The following PEAK1 variants were observed in gnomAD, a reference collection of about 807,000 sequenced individuals.
PEAK1 encodes pseudopodium enriched atypical kinase 1, also known as inactive tyrosine-protein kinase PEAK1.
A neutral mutation model predicts 124.7 loss-of-function variants in PEAK1; 54 were observed. That is an observed-to-expected ratio of 0.43 (90% CI 0.35 to 0.54). The LOEUF (loss-of-function observed/expected upper bound fraction) is 0.54. Ranked by LOEUF, PEAK1 falls within the 20% of genes least tolerant of loss-of-function variation. PEAK1 has a pLI of 0.01. For synonymous variants in PEAK1, 719 were observed against 760.0 expected, an observed-to-expected ratio of 0.95 and a Z score of 0.89; for missense variants, 2,046 against 2,134.5, an observed-to-expected ratio of 0.96 and a Z score of 0.82.
At chr15:77,417,657 G>C in intron 1 of PEAK1, 1 of 985,348 alleles carries the variant, frequency 1.0e-6, no homozygotes, top group Non-Finnish European at 1.2e-6. Context: ...CCAACAAAAG[G>C]GTATGATTTG....
intron 5 of PEAK1, among the ~76,000 whole-genome samples, chr15:77,269,933 G>C (rs968827245): frequency 2.6e-5 from 4 of 152,158 alleles, no homozygotes; most frequent in African/African-American, 9.7e-5. Flanking sequence ...TATGTACCCA[G>C]TAGTCATTCA....
intron 6 of PEAK1, among the ~76,000 whole-genome samples, chr15:77,213,433 T>C (rs1176215576): frequency 6.6e-6 from 1 of 152,198 alleles, no homozygotes; most frequent in Non-Finnish European, 1.5e-5. Context: ...GGCTCATGAC[T>C]GTAATCCCAG....
intron 2 of PEAK1, among the ~76,000 whole-genome samples, chr15:77,289,881 G>A (rs1336692732): frequency 6.6e-6 from 1 of 152,168 alleles, no homozygotes; most frequent in African/African-American, 2.4e-5. Context: ...TAGTCATAGT[G>A]CAGAAGAATA....
chr15:77,175,876 G>C (rs2056830580), intron 7 of PEAK1, among the ~76,000 whole-genome samples: 1 of 152,130 alleles, frequency 6.6e-6, no homozygotes, highest in African/African-American at 2.4e-5. Context: ...ACGATAGACT[G>C]GATTAAGAAA....
intron 5 of PEAK1, chr15:77,278,394 G>A (rs2152963061): frequency 9.7e-6 from 3 of 310,554 alleles, no homozygotes; most frequent in Middle Eastern, 6.6e-4. Flanking sequence ...TAAAGAAGAA[G>A]CAGGGAGAAC....
At chr15:77,226,494 C>T (rs2059683266) in intron 6 of PEAK1, among the ~76,000 whole-genome samples, 1 of 151,920 alleles carries the variant, frequency 6.6e-6, no homozygotes, top group South Asian at 2.1e-4. Flanking sequence ...GTAACAGGGT[C>T]CAGAAATAAT....
chr15:77,261,496 T>A (rs1349199724), intron 5 of PEAK1, among the ~76,000 whole-genome samples: 2 of 152,090 alleles, frequency 1.3e-5, no homozygotes, highest in Non-Finnish European at 2.9e-5. Flanking sequence ...AGCAGCCGAT[T>A]CGATCAACTG....
chr15:77,350,604 T>G (rs1420710044), intron 2 of PEAK1: 3 of 971,020 alleles, frequency 3.1e-6, no homozygotes, highest in Non-Finnish European at 3.7e-6. Context: ...GTGTTAGAGA[T>G]TCAAGTAAAA....
At chr15:77,195,957 T>C (rs2152839105) in intron 6 of PEAK1, among the ~76,000 whole-genome samples, 1 of 152,368 alleles carries the variant, frequency 6.6e-6, no homozygotes, top group African/African-American at 2.4e-5. Context: ...ATCACTCTTG[T>C]GTCTCCCTCC....
At chr15:77,382,760 T>G (rs2069588640) in intron 1 of PEAK1, among the ~76,000 whole-genome samples, 1 of 152,212 alleles carries the variant, frequency 6.6e-6, no homozygotes, top group Non-Finnish European at 1.5e-5. Context: ...CTTGACAGTT[T>G]TATGCACATT....
intron 7 of PEAK1, among the ~76,000 whole-genome samples, chr15:77,166,443 C>T (rs2056102618): frequency 6.6e-6 from 1 of 152,196 alleles, no homozygotes; most frequent in Admixed American, 6.5e-5. Context: ...TTGTGGAGGG[C>T]TATCCACATG....
chr15:77,281,022 G>T (rs2062642118), intron 5 of PEAK1, among the ~76,000 whole-genome samples: 1 of 151,982 alleles, frequency 6.6e-6, no homozygotes, highest in African/African-American at 2.4e-5. Flanking sequence ...TAGCCAGGTG[G>T]GGTGACACCG....
chr15:77,255,471 A>G (rs536463641), intron 5 of PEAK1: 16 of 772,842 alleles, frequency 2.1e-5, no homozygotes, highest in Non-Finnish European at 2.5e-5. Flanking sequence ...TTTCTTGACA[A>G]TGTTACAACG....
chr15:77,250,286 A>AT (rs1487439819), intron 6 of PEAK1, among the ~76,000 whole-genome samples: 1 of 146,814 alleles, frequency 6.8e-6, no homozygotes, highest in Non-Finnish European at 1.5e-5. Context: ...TCACTCCGTC[A>AT]CCCAGGCTGG....
At chr15:77,303,923 T>G (rs2152994059) in intron 2 of PEAK1, among the ~76,000 whole-genome samples, 1 of 152,352 alleles carries the variant, frequency 6.6e-6, no homozygotes, top group Non-Finnish European at 1.5e-5. Flanking sequence ...CTAGGTTCAG[T>G]TTTGGATATG....
At chr15:77,350,790 T>C in intron 2 of PEAK1, 3 of 980,942 alleles carry the variant, frequency 3.1e-6, no homozygotes, top group Non-Finnish European at 3.6e-6. Context: ...ACCTATTTTG[T>C]TTTTTATTCA....
Position 77,243,176 on chromosome 15 carries a change from C to T in PEAK1, c.-115+9191G>A, listed in dbSNP as rs369225751. On this transcript the variant is annotated intron_variant, in intron 6 of 9. Coordinates refer to ENST00000682557, the MANE Select transcript of PEAK1 (RefSeq NM_001385026.1). The stretch of plus-strand genomic sequence containing the variant: ...AGTATATGATTTTAAAACATGGCAG[C>T]CAGTGTATTGCTAGATTCTTGCAAA... Among the ~76,000 whole-genome samples the T allele has an allele frequency of 5.5e-4, 83 of 152,258 alleles. No homozygotes were observed. The East Asian group carries it at 8.7e-3, about 16-fold the overall frequency.
At chr15:77,249,218 T>A (rs2060730562) in intron 6 of PEAK1, among the ~76,000 whole-genome samples, 1 of 152,144 alleles carries the variant, frequency 6.6e-6, no homozygotes, top group Admixed American at 6.5e-5. Context: ...TTGTAAATAA[T>A]GCTTTAAAGA....
chr15:77,394,215 G>A (rs547936932), intron 1 of PEAK1, among the ~76,000 whole-genome samples: 6 of 152,318 alleles, frequency 3.9e-5, no homozygotes, highest in African/African-American at 7.2e-5. Flanking sequence ...CCACCCTGAA[G>A]GGAAAGACAC....
Sources: gnomAD v4.1 joint callset for allele counts (sites outside exome capture counted in the v4.1 genomes callset) on GRCh38, gnomAD v4.1.1 for gene constraint, MANE v1.5 for transcripts, NCBI Gene and HGNC (gene_info 2026-07-23, HGNC 2026-07-21) for gene names.